The following FLG variants were observed in gnomAD, a reference collection of about 807,000 sequenced individuals.
FLG encodes epidermal filaggrin.
A neutral mutation model predicts 3.8 loss-of-function variants in FLG; 6 were observed. The observed-to-expected ratio is 1.60, with a 90% CI of 0.87 to 3.15. FLG has a LOEUF of 3.15. Among genes scored for constraint, FLG ranks in the 30% most tolerant of loss-of-function variants. FLG has a pLI of 0.00. For synonymous variants in FLG, 2,551 were observed against 1,931.6 expected (o/e 1.32, Z -8.41); for missense variants, 7,595 against 5,050.9 (o/e 1.50, Z -15.27).
chr1:152,316,914 C>G (rs972569323), intron 1 of FLG, among the ~76,000 whole-genome samples: 1 of 152,126 alleles, frequency 6.6e-6, no homozygotes, highest in Non-Finnish European at 1.5e-5. Context: ...CTTCTTCTTT[C>G]CTTTATCTCT....
Position 152,303,636 on chromosome 1 carries a change from C to G in FLG, c.11250G>C (p.Ala3750=). 2 of 1,613,904 alleles carry G rather than the reference C, an allele frequency of 1.2e-6. No homozygotes were observed. The highest frequency in any genetic ancestry group is 1.7e-6 in the Non-Finnish European group (2 of 1,179,964). ...EQARDSSRHS[A]SQEGQDTIRG... ...GAATGGTGTCCTGACCCTCTTGGGA[C>G]GCTGAGTGCCTGGAGCTGTCTCGTG... The change falls in exon 3 of 3, where the codon GCG becomes GCC. Residue 3750 remains alanine (A), a synonymous_variant. Coordinates refer to ENST00000368799, the MANE Select transcript of FLG (RefSeq NM_002016.2).
chr1:152,321,090 ACT>A (rs915026064), intron 1 of FLG, among the ~76,000 whole-genome samples: 51 of 150,964 alleles, frequency 3.4e-4, no homozygotes, highest in African/African-American at 9.2e-4. Flanking sequence ...ACATATATAC[ACT>A]CACATATATA....
chr1:152,309,540 T>G lies in FLG; in HGVS notation c.5346A>C (p.Thr1782=), dbSNP rs757913514. ...HEQSESAHGR[T]GPSTGGRQRS... ...TTTGTCTTCCTCCAGTGCTGGGCCC[T>G]GTGCGTCCATGGGCGGACTCAGACT... Residue 1782 remains threonine (T), a synonymous_variant, in exon 3 of 3, where the codon ACA becomes ACC. Transcript: ENST00000368799. 5.0e-6 allele frequency: 8 copies of G among 1,613,886 alleles called. No individual in the cohort carries two copies. The South Asian group carries it at 8.8e-5, about 18-fold the overall frequency.
Position 152,312,371 on chromosome 1 carries a change from C to G in FLG, c.2515G>C (p.Asp839His). Reference protein sequence around the residue: ...SRHSASQDGQDTIRGHPGSSR... With the variant: ...SRHSASQDGQHTIRGHPGSSR... ...GACCCCGGGTGTCCACGAATGGTGT[C>G]CTGACCATCTTGGGATGCTGAGTGC... The change falls in exon 3 of 3, where the codon GAC becomes CAC. Residue 839 changes from aspartate (D) to histidine (H), a missense_variant. Asp to His is a moderately conservative substitution (Grantham distance 81). Transcript: ENST00000368799. 4.3e-6 allele frequency: 7 copies of G among 1,612,538 alleles called. No individual in the cohort carries two copies. Among genetic ancestry groups the G allele is most frequent in the Non-Finnish European group, 5.9e-6 (7 of 1,179,576 alleles).
chr1:152,320,374 A>G (rs1041775257), intron 1 of FLG, among the ~76,000 whole-genome samples: 4 of 150,922 alleles, frequency 2.7e-5, no homozygotes, highest in African/African-American at 9.7e-5. Context: ...TGCTTATAAG[A>G]GACACACATA....
chr1:152,304,349 C>T lies in FLG; in HGVS notation c.10537G>A (p.Ala3513Thr). The T allele has an allele frequency of 6.2e-7, 1 of 1,611,874 alleles. No individual in the cohort carries two copies. Residue 3513 changes from alanine (A) to threonine (T), a missense_variant, in exon 3 of 3, where the codon GCG becomes ACG. Physicochemically the swap from Ala to Thr is moderately conservative, Grantham distance 58. Coordinates refer to ENST00000368799, the MANE Select transcript of FLG (RefSeq NM_002016.2). ...WSHHHEASTQ[A>T]DSSRHSQSGQ... ...GACTGTGAGTGTCTAGAGCTGTCCG[C>T]CTGAGTGGAAGCTTCATGGTGATGC...
At position 152,308,957 on chromosome 1, in the gene FLG, A is replaced by T. The variant is rs1214352860; in HGVS notation, c.5929T>A (p.Ser1977Thr). The T allele has an allele frequency of 6.2e-7, 1 of 1,614,086 alleles. No homozygotes were observed. Among genetic ancestry groups the T allele is most frequent in the Non-Finnish European group, 8.5e-7 (1 of 1,179,996 alleles). ...GAAGACTCTGTGTGACGAGTGCCTG[A>T]TTGTCTGGAGCTGTCTGCAGAGTGC... ...HGHSADSSRQ[S>T]GTRHTESSSR... The change falls in exon 3 of 3, where the codon TCA (serine) becomes ACA (threonine). Residue 1977 changes from serine to threonine, a missense_variant. Transcript: ENST00000368799.
At position 152,313,321 on chromosome 1, in the gene FLG, G is replaced by A; in HGVS notation, c.1565C>T (p.Ser522Leu). ...GQDTIRGHPG[S>L]SRGGRQGSHH... ...GGATCCCTGCCTTCCTCCTCTGCTT[G>A]ACCCCGGGTGTCCACGAATGGTGTC... is the stretch of plus-strand genomic sequence containing the variant. Residue 522 changes from serine to leucine, a missense_variant, in exon 3 of 3, where the codon TCA becomes TTA. By Grantham distance (145) the Ser-to-Leu change is moderately radical. Coordinates refer to ENST00000368799, the MANE Select transcript of FLG (RefSeq NM_002016.2). 5 of 1,613,626 alleles carry A rather than the reference G, an allele frequency of 3.1e-6. No individual in the cohort carries two copies. The highest frequency in any genetic ancestry group is 4.2e-6 in the Non-Finnish European group (5 of 1,179,942).
In FLG at chr1:152,311,031, C is replaced by A. The variant is rs1278426979; in HGVS notation, c.3855G>T (p.Arg1285Ser). The change falls in exon 3 of 3, where the codon AGG (arginine) becomes AGT (serine). Residue 1285 changes from arginine to serine, a missense_variant. Transcript: ENST00000368799. ...GGTTTCTGGAAGCAGACCCAGACAA[C>A]CTCTCGGAGTCGTCTGAGTGTCTCT... ...DSERHSDDSE[R>S]LSGSASRNHH... 1.2e-6 allele frequency: 2 copies of A among 1,613,940 alleles called. No individual in the cohort carries two copies. Among genetic ancestry groups the A allele is most frequent in the Admixed American group, 1.7e-5 (1 of 60,000 alleles).
Position 152,312,149 on chromosome 1 carries a change from G to A in FLG, c.2737C>T (p.His913Tyr), listed in dbSNP as rs765028526. The A allele has an allele frequency of 2.6e-5, 42 of 1,613,888 alleles. No individual in the cohort carries two copies. In the South Asian group the frequency reaches 4.2e-4, roughly 16 times the overall value. Reference sequence around the variant, plus strand: ...TCGGCATGAGAGGAAGCTTCATGGTGACGTGACCCTGAGTGCCTGGAGCCG... The same window carrying A: ...TCGGCATGAGAGGAAGCTTCATGGTAACGTGACCCTGAGTGCCTGGAGCCG... ...RDGSRHSGSR[H>Y]HEASSHADIS... The change falls in exon 3 of 3, where the codon CAC (histidine) becomes TAC (tyrosine). Residue 913 changes from histidine (H) to tyrosine (Y), a missense_variant. His to Tyr is a moderately conservative substitution (Grantham distance 83). Transcript: ENST00000368799.
Position 152,314,377 on chromosome 1 carries a change from T to G in FLG, c.509A>C (p.Glu170Ala). 3 of 1,612,908 alleles carry G rather than the reference T, an allele frequency of 1.9e-6. No homozygotes were observed. The highest frequency in any genetic ancestry group is 2.5e-6 in the Non-Finnish European group (3 of 1,179,558). The change falls in exon 3 of 3, where the codon GAA (glutamate) becomes GCA (alanine). Residue 170 changes from glutamate to alanine, a missense_variant. Glu to Ala is a moderately radical substitution (Grantham distance 107). Transcript: ENST00000368799. ...ERKGYSPTHR[E>A]EEYGKNHHNS... is the part of the protein sequence containing the mutation. ...ATGATGGTTTTTTCCATATTCTTCT[T>G]CTCTATGAGTAGGTGAATATCCTTT...
Position 152,305,076 on chromosome 1 carries a change from G to C in FLG, c.9810C>G (p.Arg3270=). 1 of 1,613,978 alleles carries C rather than the reference G, an allele frequency of 6.2e-7. No homozygotes were observed. Among genetic ancestry groups the C allele is most frequent in the South Asian group, 1.1e-5 (1 of 91,040 alleles). Reference sequence around the variant, plus strand: ...CGTGACGAGTGCCTGATTGTCTGGAGCGGTCTGCAGAGTGCCCGTGACCGG... The same window carrying C: ...CGTGACGAGTGCCTGATTGTCTGGACCGGTCTGCAGAGTGCCCGTGACCGG... ...DRAGHGHSAD[R]SRQSGTRHAE... Residue 3270 remains arginine, a synonymous_variant, in exon 3 of 3, where the codon CGC becomes CGG. Coordinates refer to ENST00000368799, the MANE Select transcript of FLG (RefSeq NM_002016.2).
chr1:152,311,664 A>C lies in FLG; in HGVS notation c.3222T>G (p.Ser1074Arg). 6.2e-7 allele frequency: 1 copy of C among 1,613,730 alleles called. No homozygotes were observed. The highest frequency in any genetic ancestry group is 8.5e-7 in the Non-Finnish European group (1 of 1,179,968). Residue 1074 changes from serine (S) to arginine (R), a missense_variant, in exon 3 of 3, where the codon AGT becomes AGG. Transcript: ENST00000368799. ...WGSSGSQASDSEGHSEESDTQ... is the reference protein window; with the variant it reads ...WGSSGSQASDREGHSEESDTQ... ...TGTCTGACTCCTCTGAATGTCCCTCACTATCACTGGCCTGACTACCACTGG... is the reference window on the plus strand; with the variant it reads ...TGTCTGACTCCTCTGAATGTCCCTCCCTATCACTGGCCTGACTACCACTGG...
rs1273459105 is a variant in FLG, at chr1:152,303,545, A to G, written c.11341T>C (p.Ser3781Pro). The stretch of plus-strand genomic sequence containing the variant: ...CTGTGATGGGACCCTGAGTGTCCAG[A>G]CCTATCTACCGATTGCTCGTGGTAG... ...GSYHEQSVDR[S>P]GHSGSHHSHT... Residue 3781 changes from serine to proline, a missense_variant, in exon 3 of 3, where the codon TCT (serine) becomes CCT (proline). Coordinates refer to ENST00000368799, the MANE Select transcript of FLG (RefSeq NM_002016.2). 6.2e-7 allele frequency: 1 copy of G among 1,613,478 alleles called. No homozygotes were observed. Among genetic ancestry groups the G allele is most frequent in the South Asian group, 1.1e-5 (1 of 91,056 alleles).
chr1:152,309,773 C>T lies in FLG; in HGVS notation c.5113G>A (p.Val1705Ile), dbSNP rs1241159101. 2.5e-6 allele frequency: 4 copies of T among 1,614,048 alleles called. No individual in the cohort carries two copies. Among genetic ancestry groups the T allele is most frequent in the Non-Finnish European group, 3.4e-6 (4 of 1,180,002 alleles). Reference protein sequence around the residue: ...SGTGRRQDSSVVGDSGNRGSS... With the variant: ...SGTGRRQDSSIVGDSGNRGSS... ...CCTCGGTTTCCACTGTCTCCGACTA[C>T]AGATGAATCTTGTCTGCGCCCAGTG... Residue 1705 changes from valine (V) to isoleucine (I), a missense_variant, in exon 3 of 3, where the codon GTA (valine) becomes ATA (isoleucine). By Grantham distance (29) the Val-to-Ile change is conservative. Coordinates refer to ENST00000368799, the MANE Select transcript of FLG (RefSeq NM_002016.2).
At position 152,313,805 on chromosome 1, in the gene FLG, C is replaced by T. The variant is rs150040511; in HGVS notation, c.1081G>A (p.Ala361Thr). The stretch of plus-strand genomic sequence containing the variant: ...GTCTGTCCACGAGAGGAAGTCTCTG[C>T]GTGACGAGTGCCTGATTGTCTGGAG... ...DSSRQSGTRH[A>T]ETSSRGQTAS... The change falls in exon 3 of 3, where the codon GCA becomes ACA. Residue 361 changes from alanine (A) to threonine (T), a missense_variant. Transcript: ENST00000368799. 379 of 1,613,984 alleles carry T rather than the reference C, an allele frequency of 2.3e-4. 1 individual carries two copies. The East Asian group carries it at 6.8e-3, about 29-fold the overall frequency.
In FLG at chr1:152,303,005, C is replaced by A; in HGVS notation, c.11881G>T (p.Glu3961Ter). The A allele has an allele frequency of 5.6e-6, 9 of 1,614,196 alleles. No individual in the cohort carries two copies. In the Middle Eastern group the frequency reaches 4.9e-4, roughly 89 times the overall value. ...HSSSSYHYQS[E>*]GTERQKGQSG... ...TGACCTTTTTGCCTTTCAGTGCCCT[C>A]AGATTGATAATGATAAGAACTAGAA... The change falls in exon 3 of 3, where the codon GAG becomes TAG. Residue 3961 changes from glutamate to a stop codon, truncating the protein, a stop_gained. Transcript: ENST00000368799. LOFTEE classifies it low-confidence loss of function (END_TRUNC).
In FLG at chr1:152,313,616, C is replaced by G. The variant is rs200738705; in HGVS notation, c.1270G>C (p.Asp424His). 3 of 1,614,124 alleles carry G rather than the reference C, an allele frequency of 1.9e-6. No individual in the cohort carries two copies. In the East Asian group the frequency reaches 6.7e-5, roughly 36 times the overall value. The change falls in exon 3 of 3, where the codon GAC becomes CAC. Residue 424 changes from aspartate (D) to histidine (H), a missense_variant. Transcript: ENST00000368799. Reference protein sequence around the residue: ...HRGSSGSQASDSEGHSENSDT... With the variant: ...HRGSSGSQASHSEGHSENSDT... ...GAGTTTTCTGAATGTCCCTCACTGT[C>G]ACTGGCCTGACTACCGCTAGACCCC...
chr1:152,315,310 GAC>G lies in FLG; in HGVS notation c.138+7_138+8del. On this transcript the variant is annotated splice_region_variant and intron_variant, in intron 2 of 2. Coordinates refer to ENST00000368799, the MANE Select transcript of FLG (RefSeq NM_002016.2). ...ATGCTCTATCTTTGGTCTTGTCAGA[GAC>G]TCTTACCTTCAGGATTTGCCGAAAT... 6.2e-7 allele frequency: 1 copy of G among 1,612,802 alleles called. No individual in the cohort carries two copies. Among genetic ancestry groups the G allele is most frequent in the Non-Finnish European group, 8.5e-7 (1 of 1,179,180 alleles).
Sources: allele counts gnomAD v4.1 joint callset (sites outside exome capture counted in the v4.1 genomes callset), GRCh38; gene constraint gnomAD v4.1.1; transcripts MANE v1.5; gene names NCBI Gene and HGNC (gene_info 2026-07-23, HGNC 2026-07-21).